FGF7: variants seen among roughly 807,000 people sequenced by gnomAD.
The protein encoded by FGF7 is FGF-7.
FGF7 carries 6 observed loss-of-function variants against 20.5 expected under a neutral mutation model. That is an observed-to-expected ratio of 0.29 (90% CI 0.16 to 0.58). The LOEUF (loss-of-function observed/expected upper bound fraction) is 0.58. Among genes scored for constraint, FGF7 ranks in the 20% least tolerant of loss-of-function variants. The pLI, the probability that FGF7 is intolerant of heterozygous loss-of-function variation, is 0.90. For missense variants in FGF7, 144 were observed against 228.8 expected, an observed-to-expected ratio of 0.63 and a Z score of 2.39; for synonymous variants, 64 against 74.7, an observed-to-expected ratio of 0.86 and a Z score of 0.74.
At position 49,424,281 on chromosome 15, in the gene FGF7, C is replaced by T. The variant is rs17478047; in HGVS notation, c.-17C>T. 64,927 of 1,599,320 alleles carry T rather than the reference C, an allele frequency of 0.041. 1,595 individuals carry two copies. The highest frequency in any genetic ancestry group is 0.046 in the Non-Finnish European group (53,942 of 1,169,044). On this transcript the variant is annotated 5_prime_UTR_variant, in exon 2 of 4. Transcript: ENST00000267843. The stretch of plus-strand genomic sequence containing the variant: ...TTTCATTATGTTATTCATGAACACC[C>T]GGAGCACTACACTATAATGCACAAA...
In FGF7 at chr15:49,485,769, G is replaced by A; in HGVS notation, c.*1265G>A. 1 of 152,308 alleles carries A rather than the reference G, an allele frequency of 6.6e-6. No individual in the cohort carries two copies. Among genetic ancestry groups the A allele is most frequent in the Non-Finnish European group, 1.5e-5 (1 of 67,972 alleles). The allele number at this position is 152,308 out of a possible 1,614,324, so 9.4% of individuals were successfully genotyped here. A position where few individuals can be genotyped will look rare whatever the true frequency, so the allele number is the denominator to read the frequency against. ...ATCATTACAAATATAAGTATTTACA[G>A]GATTTTAAAGTTAGAATATATTTGA... On this transcript the variant is annotated 3_prime_UTR_variant, in exon 4 of 4. Transcript: ENST00000267843.
chr15:49,462,158 T>C (rs758463741), intron 2 of FGF7, among the ~76,000 whole-genome samples: 3 of 152,004 alleles, frequency 2.0e-5, no homozygotes, highest in Non-Finnish European at 4.4e-5. Flanking sequence ...GAGAGCATGG[T>C]GAAAGGAGAA....
At chr15:49,465,219 TC>T (rs1417889859) in intron 2 of FGF7, among the ~76,000 whole-genome samples, 1 of 151,964 alleles carries the variant, frequency 6.6e-6, no homozygotes, top group East Asian at 1.9e-4. Context: ...AACCTCTGCC[TC>T]CTAGGTTAAA....
intron 2 of FGF7, among the ~76,000 whole-genome samples, chr15:49,439,187 C>T (rs2051388755): frequency 6.6e-6 from 1 of 151,546 alleles, no homozygotes; most frequent in African/African-American, 2.4e-5. Flanking sequence ...CGGCAACTTC[C>T]TCTTTGCTAT....
chr15:49,448,763 TC>T (rs1169887703), intron 2 of FGF7, among the ~76,000 whole-genome samples: 1 of 151,624 alleles, frequency 6.6e-6, no homozygotes. Flanking sequence ...TAAGGAAGGC[TC>T]CCCCAAATAC....
intron 2 of FGF7, among the ~76,000 whole-genome samples, chr15:49,429,860 G>T (rs998391924): frequency 2.0e-5 from 3 of 151,860 alleles, no homozygotes; most frequent in African/African-American, 7.2e-5. Context: ...AGGTGGGAAG[G>T]ACCAGGCATT....
At chr15:49,465,960 C>A in intron 2 of FGF7, among the ~76,000 whole-genome samples, 1 of 152,064 alleles carries the variant, frequency 6.6e-6, no homozygotes, top group Non-Finnish European at 1.5e-5. Flanking sequence ...TGGGGGTTAG[C>A]TGAAGCATAA....
At chr15:49,427,624 A>G (rs1490081740) in intron 2 of FGF7, among the ~76,000 whole-genome samples, 3 of 151,970 alleles carry the variant, frequency 2.0e-5, no homozygotes, top group African/African-American at 7.2e-5. Context: ...AAAGTCCCCA[A>G]TCTTTTCTCA....
chr15:49,469,240 T>C (rs2054525648), intron 2 of FGF7, among the ~76,000 whole-genome samples: 2 of 152,190 alleles, frequency 1.3e-5, no homozygotes, highest in African/African-American at 4.8e-5. Context: ...TTTTCAAACA[T>C]ATTTTCTTTT....
chr15:49,457,623 A>G (rs2053430697), intron 2 of FGF7, among the ~76,000 whole-genome samples: 1 of 151,990 alleles, frequency 6.6e-6, no homozygotes, highest in East Asian at 1.9e-4. Flanking sequence ...TTGAAAAATG[A>G]GTCTATAAAA....
intron 2 of FGF7, among the ~76,000 whole-genome samples, chr15:49,465,553 A>C (rs1176776198): frequency 6.6e-6 from 1 of 151,390 alleles, no homozygotes; most frequent in Non-Finnish European, 1.5e-5. Flanking sequence ...GCATGTTGAA[A>C]ATATAAATAG....
intron 2 of FGF7, among the ~76,000 whole-genome samples, chr15:49,474,469 A>G (rs985610385): frequency 2.0e-5 from 3 of 152,212 alleles, no homozygotes; most frequent in Non-Finnish European, 4.4e-5. Flanking sequence ...CCTACAATAA[A>G]TTAATGAGAT....
intron 2 of FGF7, among the ~76,000 whole-genome samples, chr15:49,432,711 T>C (rs968888648): frequency 6.6e-6 from 1 of 151,636 alleles, no homozygotes; most frequent in Admixed American, 6.6e-5. Context: ...TATGCCAAAG[T>C]CAGAAGATTA....
At chr15:49,471,904 G>A (rs16962544) in intron 2 of FGF7, among the ~76,000 whole-genome samples, 1,629 of 152,102 alleles carry the variant, frequency 0.011, 33 homozygotes, top group African/African-American at 0.034. Flanking sequence ...TGACAGCACC[G>A]GAAGAAACTT....
chr15:49,479,537 T>C (rs1179052423), intron 2 of FGF7, among the ~76,000 whole-genome samples: 2 of 151,852 alleles, frequency 1.3e-5, no homozygotes, highest in African/African-American at 4.8e-5. Context: ...TTTTCTATTA[T>C]GTTTTCTGAG....
At chr15:49,433,226 T>C (rs2050772547) in intron 2 of FGF7, among the ~76,000 whole-genome samples, 1 of 151,704 alleles carries the variant, frequency 6.6e-6, no homozygotes, top group Admixed American at 6.6e-5. Context: ...CCCAATTGCT[T>C]TTCTACCTGT....
At position 49,476,232 on chromosome 15, in the gene FGF7, G is replaced by GTTTTTTTTTTTTTTTTTTTTTTTTT; in HGVS notation, c.287-6906_287-6905insTTTTTTTTTTTTTTTTTTTTTTTTT. Among the ~76,000 whole-genome samples, 88 of 57,446 alleles carry GTTTTTTTTTTTTTTTTTTTTTTTTT rather than the reference G, an allele frequency of 1.5e-3. 21 individuals are homozygous for GTTTTTTTTTTTTTTTTTTTTTTTTT. Among genetic ancestry groups the GTTTTTTTTTTTTTTTTTTTTTTTTT allele is most frequent in the Non-Finnish European group, 2.4e-3 (67 of 27,460 alleles). 37.7% of individuals were successfully genotyped at this position (57,446 alleles called of 152,430 possible). On this transcript the variant is annotated intron_variant, in intron 2 of 3. Transcript: ENST00000267843. ...TTGCTGTTTTGTTTTTTTGTTTTTG[G>GTTTTTTTTTTTTTTTTTTTTTTTTT]TTTTTTTTTTTTTGCATTTGGCATA...
chr15:49,469,914 A>G (rs947646785), intron 2 of FGF7, among the ~76,000 whole-genome samples: 3 of 152,162 alleles, frequency 2.0e-5, no homozygotes, highest in Non-Finnish European at 4.4e-5. Context: ...GAGAAAATGT[A>G]AATCCACATC....
intron 2 of FGF7, among the ~76,000 whole-genome samples, chr15:49,438,613 G>A (rs1172662882): frequency 1.3e-5 from 2 of 151,666 alleles, no homozygotes; most frequent in African/African-American, 4.8e-5. Flanking sequence ...GTGAGAGGGA[G>A]CACGAGGACA....
Sources: gnomAD v4.1 joint callset for allele counts (sites outside exome capture counted in the v4.1 genomes callset) on GRCh38, gnomAD v4.1.1 for gene constraint, MANE v1.5 for transcripts, NCBI Gene and HGNC (gene_info 2026-07-23, HGNC 2026-07-21) for gene names.